S100A9: variants seen among roughly 807,000 people sequenced by gnomAD.
The protein encoded by S100A9 is protein S100-A9.
In S100A9, 2 loss-of-function variants were observed where a neutral mutation model predicts 4.3. The ratio of observed to expected loss-of-function variants is 0.47; its 90% confidence interval spans 0.19 to 1.48. The LOEUF (loss-of-function observed/expected upper bound fraction) is 1.48. Among genes scored for constraint, S100A9 ranks in the 40% most tolerant of loss-of-function variants. S100A9 has a pLI of 0.24. For synonymous variants in S100A9, 67 were observed against 54.0 expected (o/e 1.24, Z -1.06); for missense variants, 130 against 144.4 (o/e 0.90, Z 0.51).
intron 2 of S100A9, among the ~76,000 whole-genome samples, chr1:153,358,903 G>A (rs1661396535): frequency 6.6e-6 from 1 of 152,016 alleles, no homozygotes; most frequent in South Asian, 2.1e-4. Context: ...TGTTGGGGAG[G>A]GAAGCCCCTG....
In S100A9 at chr1:153,360,883, T is replaced by C. The variant is rs1476289912; in HGVS notation, c.*45T>C. The C allele has an allele frequency of 4.2e-6, 6 of 1,430,462 alleles. No homozygotes were observed. Among genetic ancestry groups the C allele is most frequent in the East Asian group, 5.0e-5 (2 of 39,714 alleles). The allele number at this position is 1,430,462 out of a possible 1,614,324, so 88.6% of individuals were successfully genotyped here. The stretch of plus-strand genomic sequence containing the variant: ...ACAGTGGCCACGGCCACGGCCACAG[T>C]CATGGTGGCCACGGCCACAGCCACT... On this transcript the variant is annotated 3_prime_UTR_variant, in exon 3 of 3. Coordinates refer to ENST00000368738, the MANE Select transcript of S100A9 (RefSeq NM_002965.4).
intron 2 of S100A9, among the ~76,000 whole-genome samples, chr1:153,358,960 G>C (rs1444473996): frequency 6.6e-6 from 1 of 152,022 alleles, no homozygotes; most frequent in Non-Finnish European, 1.5e-5. Context: ...GCCTCAGGCG[G>C]GAACTTGGGG....
chr1:153,360,799 C>T lies in S100A9; in HGVS notation c.306C>T (p.Gly102=). The change falls in exon 3 of 3, where the codon GGC becomes GGT. Residue 102 remains glycine, a synonymous_variant. Coordinates refer to ENST00000368738, the MANE Select transcript of S100A9 (RefSeq NM_002965.4). ...EKMHEGDEGP[G]HHHKPGLGEG... ...TGCACGAGGGTGACGAGGGCCCTGG[C>T]CACCACCATAAGCCAGGCCTCGGGG... 1.2e-6 allele frequency: 2 copies of T among 1,613,406 alleles called. No homozygotes were observed. The highest frequency in any genetic ancestry group is 1.7e-6 in the Non-Finnish European group (2 of 1,179,616).
rs1203704484 is a variant in S100A9 at position 153,358,305 on chromosome 1, C to A, written c.22C>A (p.Leu8Met). 1 of 1,601,950 alleles carries A rather than the reference C, an allele frequency of 6.2e-7. No homozygotes were observed. Among genetic ancestry groups the A allele is most frequent in the African/African-American group, 1.3e-5 (1 of 74,756 alleles). Reference sequence around the variant, plus strand: ...GACGATGACTTGCAAAATGTCGCAGCTGGAACGCAACATAGAGACCATCAT... The same window carrying A: ...GACGATGACTTGCAAAATGTCGCAGATGGAACGCAACATAGAGACCATCAT... MTCKMSQ[L>M]ERNIETIINT... Residue 8 changes from leucine (L) to methionine (M), a missense_variant, in exon 2 of 3, where the codon CTG becomes ATG. By Grantham distance (15) the Leu-to-Met change is conservative (BLOSUM62 2). Transcript: ENST00000368738.
At chr1:153,358,062 G>A (rs901058092) in intron 1 of S100A9, among the ~76,000 whole-genome samples, 181 bp downstream of exon 1, 1 of 152,220 alleles carries the variant, frequency 6.6e-6, no homozygotes, top group Non-Finnish European at 1.5e-5. Flanking sequence ...GCCCTCAAAT[G>A]CTTTGCTTTT....
intron 1 of S100A9, 68 bp from the exon 2 acceptor site, chr1:153,358,201 G>A (rs1051937320): frequency 2.8e-6 from 3 of 1,083,204 alleles, no homozygotes; most frequent in Admixed American, 2.4e-5. Context: ...GTGCTTAGTA[G>A]GAAGTGTCAA....
Position 153,358,331 on chromosome 1 carries a change from C to T in S100A9, c.48C>T (p.Ile16=), listed in dbSNP as rs1661384432. 3.7e-6 allele frequency: 6 copies of T among 1,612,744 alleles called. No individual in the cohort carries two copies. The highest frequency in any genetic ancestry group is 4.2e-6 in the Non-Finnish European group (5 of 1,178,950). ...SQLERNIETI[I]NTFHQYSVKL... ...TGGAACGCAACATAGAGACCATCAT[C>T]AACACCTTCCACCAATACTCTGTGA... Residue 16 remains isoleucine, a synonymous_variant, in exon 2 of 3, where the codon ATC becomes ATT. Transcript: ENST00000368738.
chr1:153,358,572 GT>G, intron 2 of S100A9, 139 bp downstream of exon 2: 1 of 668,978 alleles, frequency 1.5e-6, no homozygotes, highest in Non-Finnish European at 2.5e-6. Context: ...CGAGTGTCCT[GT>G]TATACAGGGC....
At position 153,360,722 on chromosome 1, in the gene S100A9, G is replaced by A. The variant is rs749398418; in HGVS notation, c.229G>A (p.Glu77Lys). The change falls in exon 3 of 3, where the codon GAG becomes AAG. Residue 77 changes from glutamate to lysine, a missense_variant. By Grantham distance (56) the Glu-to-Lys change is moderately conservative (BLOSUM62 1). Coordinates refer to ENST00000368738, the MANE Select transcript of S100A9 (RefSeq NM_002965.4). The part of the protein sequence containing the change: ...DTNADKQLSF[E>K]EFIMLMARLT... The stretch of plus-strand genomic sequence containing the variant: ...AAATGCAGACAAGCAGCTGAGCTTC[G>A]AGGAGTTCATCATGCTGATGGCGAG... 18 of 1,613,944 alleles carry A rather than the reference G, an allele frequency of 1.1e-5. No individual in the cohort carries two copies. Among genetic ancestry groups the A allele is most frequent in the East Asian group, 2.2e-5 (1 of 44,892 alleles).
chr1:153,360,576 T>C (rs1661429245), intron 2 of S100A9, 68 bp from the exon 3 acceptor site: 2 of 1,061,560 alleles, frequency 1.9e-6, no homozygotes, highest in African/African-American at 1.6e-5. Context: ...CAGCTGGTCA[T>C]TTACTGTGCT....
chr1:153,358,557 C>T lies in S100A9; in HGVS notation c.150+124C>T, dbSNP rs546949622. On this transcript the variant is annotated intron_variant, in intron 2 of 2. Coordinates refer to ENST00000368738, the MANE Select transcript of S100A9 (RefSeq NM_002965.4). ...GAGCTCCTGGAGCCCAGCCCCAAGA[C>T]GCAGCGAGTGTCCTGTTATACAGGG... The T allele has an allele frequency of 9.0e-5, 67 of 745,564 alleles. No homozygotes were observed. The Middle Eastern group carries it at 1.6e-3, about 18-fold the overall frequency. The allele number at this position is 745,564 out of a possible 1,614,324, so 46.2% of individuals were successfully genotyped here. A position where few individuals can be genotyped will look rare whatever the true frequency, so the allele number is the denominator to read the frequency against.
At position 153,358,438 on chromosome 1, in the gene S100A9, G is replaced by C. The variant is rs879180086; in HGVS notation, c.150+5G>C. 2 of 1,597,396 alleles carry C rather than the reference G, an allele frequency of 1.3e-6. No individual in the cohort carries two copies. Among genetic ancestry groups the C allele is most frequent in the Non-Finnish European group, 1.7e-6 (2 of 1,169,878 alleles). ...GATCTGCAAAATTTTCTCAAGGTAG[G>C]GCTGGACTCTGGCAGGTCTGACCCA... On this transcript the variant is annotated splice_donor_5th_base_variant and intron_variant, in intron 2 of 2. Coordinates refer to ENST00000368738, the MANE Select transcript of S100A9 (RefSeq NM_002965.4).
intron 2 of S100A9, among the ~76,000 whole-genome samples, chr1:153,360,039 T>G (rs569956857): frequency 2.1e-4 from 32 of 152,200 alleles, no homozygotes; most frequent in African/African-American, 7.2e-4. Flanking sequence ...GAGCACATAC[T>G]CTGCTCTCTG....
rs1267802149 is a variant in S100A9, at chr1:153,358,763, C to A, written c.150+330C>A. On this transcript the variant is annotated intron_variant, in intron 2 of 2. Transcript: ENST00000368738. Reference sequence around the variant, plus strand: ...TAAAGAGCACAGATAAAGCCAAATGCCAATAAGTGCCTGGAAGAAAATGAG... The same window carrying A: ...TAAAGAGCACAGATAAAGCCAAATGACAATAAGTGCCTGGAAGAAAATGAG... Among the ~76,000 whole-genome samples the A allele has an allele frequency of 2.0e-5, 3 of 152,112 alleles. No homozygotes were observed. In the South Asian group the frequency reaches 6.2e-4, roughly 32 times the overall value.
Position 153,360,817 on chromosome 1 carries a change from C to T in S100A9, c.324C>T (p.Gly108=). The change falls in exon 3 of 3, where the codon GGC becomes GGT. Residue 108 remains glycine, a synonymous_variant. Transcript: ENST00000368738. ...GCCCTGGCCACCACCATAAGCCAGG[C>T]CTCGGGGAGGGCACCCCCTAAGACC... ...DEGPGHHHKP[G]LGEGTP 7 of 1,610,144 alleles carry T rather than the reference C, an allele frequency of 4.3e-6. No homozygotes were observed. Among genetic ancestry groups the T allele is most frequent in the Non-Finnish European group, 5.9e-6 (7 of 1,177,940 alleles).
rs775409624 is a variant in S100A9, at chr1:153,360,634, C to T, written c.151-10C>T. The T allele has an allele frequency of 1.9e-6, 3 of 1,590,116 alleles. No individual in the cohort carries two copies. The highest frequency in any genetic ancestry group is 2.6e-6 in the Non-Finnish European group (3 of 1,162,894). The stretch of plus-strand genomic sequence containing the variant: ...ACCCAGCTCTCACAGCCTTCTCTCC[C>T]CACCCGCAGAAGGAGAATAAGAATG... On this transcript the variant is annotated splice_polypyrimidine_tract_variant and intron_variant, in intron 2 of 2. Coordinates refer to ENST00000368738, the MANE Select transcript of S100A9 (RefSeq NM_002965.4).
chr1:153,359,985 G>C (rs779087682), intron 2 of S100A9, among the ~76,000 whole-genome samples: 3 of 152,094 alleles, frequency 2.0e-5, no homozygotes, highest in African/African-American at 4.8e-5. Context: ...CACCCTGTCC[G>C]ACCATCTCCC....
chr1:153,358,952 C>G (rs1661397141), intron 2 of S100A9, among the ~76,000 whole-genome samples: 3 of 151,922 alleles, frequency 2.0e-5, no homozygotes, highest in African/African-American at 7.3e-5. Context: ...GACCCTAAGC[C>G]TCAGGCGGGA....
At chr1:153,360,273 T>C (rs2101593638) in intron 2 of S100A9, among the ~76,000 whole-genome samples, 1 of 152,280 alleles carries the variant, frequency 6.6e-6, no homozygotes, top group South Asian at 2.1e-4. Context: ...TCTCTAGGAC[T>C]GGTTTCAAGT....
Sources: allele counts gnomAD v4.1 joint callset (sites outside exome capture counted in the v4.1 genomes callset), GRCh38; gene constraint gnomAD v4.1.1; transcripts MANE v1.5; gene names NCBI Gene and HGNC (gene_info 2026-07-23, HGNC 2026-07-21).